The following ZNF665 variants were observed in gnomAD, a reference collection of about 807,000 sequenced individuals.
ZNF665 encodes zinc finger protein 665.
Under a neutral mutation model 7.9 loss-of-function variants are expected in ZNF665, and 6 were observed. The observed-to-expected ratio is 0.76, with a 90% CI of 0.42 to 1.50. The LOEUF (loss-of-function observed/expected upper bound fraction) is 1.50. Ranked by LOEUF, ZNF665 falls within the 40% of genes most tolerant of loss-of-function variation. The pLI, the probability that ZNF665 is intolerant of heterozygous loss-of-function variation, is 0.01. For missense variants in ZNF665, 819 were observed against 806.7 expected, an observed-to-expected ratio of 1.02 and a Z score of -0.18; for synonymous variants, 242 against 274.5, an observed-to-expected ratio of 0.88 and a Z score of 1.17.
Position 53,163,833 on chromosome 19 carries a change from T to C in ZNF665, c.*620A>G, listed in dbSNP as rs2090581677. ...GGAAACTAGAGACTGAGTTCTACTC[T>C]TCCTATGAATCCTCACCTACAGTTG... is the stretch of plus-strand genomic sequence containing the variant. On this transcript the variant is annotated 3_prime_UTR_variant, in exon 4 of 4. Coordinates refer to ENST00000396424, the MANE Select transcript of ZNF665 (RefSeq NM_024733.5). The C allele has an allele frequency of 6.6e-6, 1 of 152,220 alleles. No individual in the cohort carries two copies. The highest frequency in any genetic ancestry group is 1.9e-4 in the East Asian group (1 of 5,192). 9.4% of individuals were successfully genotyped at this position (152,220 alleles called of 1,614,324 possible).
rs1237294673 is a variant in ZNF665 at position 53,165,480 on chromosome 19, T to C, written c.1010A>G (p.Gln337Arg). Reference protein sequence around the residue: ...FSVRSSLTTHQTIHTGEKPYK... With the variant: ...FSVRSSLTTHRTIHTGEKPYK... ...AGGTTTTTCTCCAGTGTGGATTGTC[T>C]GATGGGTAGTCAGGCTTGAGCGAAC... is the stretch of plus-strand genomic sequence containing the variant. Residue 337 changes from glutamine (Q) to arginine (R), a missense_variant, in exon 4 of 4, where the codon CAG (glutamine) becomes CGG (arginine). Physicochemically the swap from Gln to Arg is conservative, Grantham distance 43 (BLOSUM62 1). Transcript: ENST00000396424. 6.2e-7 allele frequency: 1 copy of C among 1,613,202 alleles called. No individual in the cohort carries two copies. Among genetic ancestry groups the C allele is most frequent in the Non-Finnish European group, 8.5e-7 (1 of 1,179,452 alleles).
Position 53,165,970 on chromosome 19 carries a change from G to A in ZNF665, c.520C>T (p.Arg174Ter), listed in dbSNP as rs1042133945. 7 of 1,613,506 alleles carry A rather than the reference G, an allele frequency of 4.3e-6. No individual in the cohort carries two copies. The highest frequency in any genetic ancestry group is 2.2e-5 in the East Asian group (1 of 44,866). Residue 174 changes from arginine to a stop codon, truncating the protein, a stop_gained, in exon 4 of 4, where the codon CGA becomes TGA. Coordinates refer to ENST00000396424, the MANE Select transcript of ZNF665 (RefSeq NM_024733.5). LOFTEE classifies it low-confidence loss of function (END_TRUNC). The part of the protein sequence containing the change: ...YNQVEKSPNN[R>*]GKHYKCDECG... Reference sequence around the variant, plus strand: ...TCATCACATTTATAATGTTTTCCTCGATTATTAGGAGACTTCTCAACTTGA... The same window carrying A: ...TCATCACATTTATAATGTTTTCCTCAATTATTAGGAGACTTCTCAACTTGA...
chr19:53,181,761 C>T (rs2090739334), intron 2 of ZNF665: 1 of 152,156 alleles, frequency 6.6e-6, no homozygotes, highest in East Asian at 1.9e-4. Flanking sequence ...GTGATGATGT[C>T]AATAAAATAG....
At chr19:53,184,821 G>C (rs775716346) in intron 1 of ZNF665, among the ~76,000 whole-genome samples, 3 of 151,410 alleles carry the variant, frequency 2.0e-5, no homozygotes, top group Non-Finnish European at 4.4e-5. Context: ...CAAGACAAAG[G>C]GGCAGGATAA....
In ZNF665 at chr19:53,164,924, G is replaced by A; in HGVS notation, c.1566C>T (p.Ala522=). 6.2e-7 allele frequency: 1 copy of A among 1,614,046 alleles called. No homozygotes were observed. Among genetic ancestry groups the A allele is most frequent in the Non-Finnish European group, 8.5e-7 (1 of 1,180,008 alleles). ...KPYKCNECGK[A]FSVHSSLTIH... ...TAGTTAGGCTTGAATGAACACTAAAGGCTTTGCCACACTCATTACACTTGT... is the reference window on the plus strand; with the variant it reads ...TAGTTAGGCTTGAATGAACACTAAAAGCTTTGCCACACTCATTACACTTGT... Residue 522 remains alanine (A), a synonymous_variant, in exon 4 of 4, where the codon GCC becomes GCT. Coordinates refer to ENST00000396424, the MANE Select transcript of ZNF665 (RefSeq NM_024733.5).
intron 3 of ZNF665, among the ~76,000 whole-genome samples, chr19:53,174,208 CAGA>C (rs1435397610): frequency 1.3e-5 from 2 of 152,050 alleles, no homozygotes; most frequent in African/African-American, 4.8e-5. Flanking sequence ...GAATCAAGCA[CAGA>C]AGGAGAGACT....
intron 2 of ZNF665, among the ~76,000 whole-genome samples, chr19:53,177,142 C>CA (rs2090704786): frequency 6.6e-6 from 1 of 151,938 alleles, no homozygotes; most frequent in South Asian, 2.1e-4. Flanking sequence ...AACAAACAAA[C>CA]AAACAAAAAA....
intron 2 of ZNF665, among the ~76,000 whole-genome samples, chr19:53,180,250 T>C (rs1276359818): frequency 6.6e-6 from 1 of 152,008 alleles, no homozygotes; most frequent in Non-Finnish European, 1.5e-5. Flanking sequence ...CTGGCTAACA[T>C]GGTAAAACCC....
At chr19:53,192,894 G>A (rs943921823) in intron 1 of ZNF665, among the ~76,000 whole-genome samples, 7 of 152,116 alleles carry the variant, frequency 4.6e-5, no homozygotes, top group South Asian at 2.1e-4. Flanking sequence ...CTTAGGAGAG[G>A]GGTGGGGTAT....
intron 2 of ZNF665, chr19:53,180,020 CCTAA>C (rs777698019): frequency 2.6e-5 from 4 of 152,130 alleles, no homozygotes; most frequent in Admixed American, 6.6e-5. Flanking sequence ...CATGAGGTCA[CCTAA>C]CTGAGAAAAA....
At chr19:53,182,772 C>A (rs975942771) in intron 2 of ZNF665, 112 bp downstream of exon 2, 1 of 1,545,736 alleles carries the variant, frequency 6.5e-7, no homozygotes, top group Non-Finnish European at 8.9e-7. Flanking sequence ...CGAGTGAGTG[C>A]GAGCAAACCT....
Position 53,164,133 on chromosome 19 carries a change from C to CTTTTTTTTTTTT in ZNF665, c.*308_*319dup, listed in dbSNP as rs35735454. On this transcript the variant is annotated 3_prime_UTR_variant, in exon 4 of 4. Transcript: ENST00000396424. ...CTGGCCGCACTCCTTTGTAAGGTTA[C>CTTTTTTTTTTTT]TTTTTTTTTTTTTTTTTTTTTGGAG... 2.9e-5 allele frequency: 3 copies of CTTTTTTTTTTTT among 104,642 alleles called. No homozygotes were observed. The highest frequency in any genetic ancestry group is 9.9e-5 in the African/African-American group (3 of 30,354). The allele number at this position is 104,642 out of a possible 1,614,324, so 6.5% of individuals were successfully genotyped here. A position where few individuals can be genotyped will look rare whatever the true frequency, so the allele number is the denominator to read the frequency against.
intron 1 of ZNF665, among the ~76,000 whole-genome samples, chr19:53,185,062 C>A (rs529735157): frequency 6.6e-6 from 1 of 151,988 alleles, no homozygotes; most frequent in African/African-American, 2.4e-5. Flanking sequence ...GGACTAGGAG[C>A]GTGACCACCG....
At chr19:53,170,812 T>C (rs1159120716) in intron 3 of ZNF665, among the ~76,000 whole-genome samples, 2 of 152,312 alleles carry the variant, frequency 1.3e-5, no homozygotes, top group South Asian at 2.1e-4. Context: ...GGGTTAAGAA[T>C]GCCAACCCTC....
At chr19:53,183,092 C>T (rs1156944636) in intron 1 of ZNF665, 149 bp from the exon 2 acceptor site, 4 of 841,284 alleles carry the variant, frequency 4.8e-6, no homozygotes, top group African/African-American at 1.7e-5. Flanking sequence ...CTCTGCTGCC[C>T]ACTGCACCAG....
chr19:53,171,968 G>A (rs2090661819), intron 3 of ZNF665, among the ~76,000 whole-genome samples: 1 of 151,806 alleles, frequency 6.6e-6, no homozygotes, highest in Non-Finnish European at 1.5e-5. Context: ...TTGGCCAGCT[G>A]GTCTCGAACT....
At chr19:53,167,221 G>A (rs903940408) in intron 3 of ZNF665, among the ~76,000 whole-genome samples, 1 of 151,866 alleles carries the variant, frequency 6.6e-6, no homozygotes, top group African/African-American at 2.4e-5. Flanking sequence ...GGCTGGTCTC[G>A]AACTCCCGAC....
At chr19:53,174,971 G>A (rs1424315339) in intron 3 of ZNF665, among the ~76,000 whole-genome samples, 9 of 135,148 alleles carry the variant, frequency 6.7e-5, no homozygotes, top group African/African-American at 9.0e-5. Flanking sequence ...AGAAAGAAAA[G>A]AAAGAAAGAA....
intron 1 of ZNF665, among the ~76,000 whole-genome samples, chr19:53,192,451 T>G (rs890389240): frequency 2.0e-5 from 3 of 152,188 alleles, no homozygotes; most frequent in African/African-American, 7.2e-5. Context: ...CTTGCTGTCC[T>G]TCATCTCTCT....
Sources: gnomAD v4.1 joint callset for allele counts (sites outside exome capture counted in the v4.1 genomes callset) on GRCh38, gnomAD v4.1.1 for gene constraint, MANE v1.5 for transcripts, NCBI Gene and HGNC (gene_info 2026-07-23, HGNC 2026-07-21) for gene names.